The following CRISPLD2 variants were observed in gnomAD, a reference collection of about 807,000 sequenced individuals.
The protein encoded by CRISPLD2 is cysteine-rich secretory protein LCCL domain-containing 2.
Under a neutral mutation model 71.1 loss-of-function variants are expected in CRISPLD2, and 47 were observed. That is an observed-to-expected ratio of 0.66 (90% CI 0.52 to 0.84). The LOEUF is 0.84. CRISPLD2 is among the 40% of genes least tolerant of loss of function. CRISPLD2 has a pLI of 0.00. For synonymous variants in CRISPLD2, 317 were observed against 250.1 expected (o/e 1.27, Z -2.52); for missense variants, 830 against 651.1 (o/e 1.27, Z -2.99).
intron 14 of CRISPLD2, among the ~76,000 whole-genome samples, chr16:84,892,318 G>C (rs150051411): frequency 6.6e-6 from 1 of 152,240 alleles, no homozygotes; most frequent in Non-Finnish European, 1.5e-5. Context: ...CTGCATGCTC[G>C]ACTGTGACAG....
chr16:84,842,222 A>G (rs1916790100), intron 2 of CRISPLD2: 1 of 152,040 alleles, frequency 6.6e-6, no homozygotes, highest in South Asian at 2.1e-4. Flanking sequence ...GCCTTCCCTC[A>G]GAGTCACTGC....
At chr16:84,821,106 C>T (rs933516435) in intron 1 of CRISPLD2, among the ~76,000 whole-genome samples, 2 of 152,202 alleles carry the variant, frequency 1.3e-5, no homozygotes, top group Admixed American at 6.5e-5. Context: ...GCCTTGCAAC[C>T]GAGAGTGGGG....
At chr16:84,827,292 T>C (rs1335545569) in intron 1 of CRISPLD2, among the ~76,000 whole-genome samples, 1 of 152,194 alleles carries the variant, frequency 6.6e-6, no homozygotes, top group Non-Finnish European at 1.5e-5. Flanking sequence ...TCTGTGCTGT[T>C]GTGTGTTGCA....
chr16:84,902,850 G>A (rs2968153), intron 14 of CRISPLD2, among the ~76,000 whole-genome samples: 16 of 125,700 alleles, frequency 1.3e-4, no homozygotes, highest in Admixed American at 9.5e-4. Context: ...CTCGCTCACC[G>A]CAACCTCCAC....
At chr16:84,850,199 G>A (rs187489513) in intron 4 of CRISPLD2, among the ~76,000 whole-genome samples, 69 of 150,976 alleles carry the variant, frequency 4.6e-4, no homozygotes, top group Middle Eastern at 3.5e-3. Context: ...CAAGCGATTC[G>A]CCTGCCTCAG....
chr16:84,870,272 C>T (rs570157704), intron 8 of CRISPLD2, among the ~76,000 whole-genome samples: 44 of 127,276 alleles, frequency 3.5e-4, no homozygotes, highest in African/African-American at 1.3e-3. Context: ...TATTTCCTTC[C>T]AGTCTTTTTT....
intron 14 of CRISPLD2, among the ~76,000 whole-genome samples, chr16:84,891,679 C>T (rs1054829018): frequency 4.6e-5 from 7 of 152,194 alleles, no homozygotes; most frequent in African/African-American, 7.2e-5. Context: ...TGTTCCCTGT[C>T]GGGCTGATTC....
intron 1 of CRISPLD2, 108 bp from the exon 2 acceptor site, chr16:84,838,314 C>A: frequency 2.8e-6 from 2 of 708,050 alleles, no homozygotes; most frequent in South Asian, 1.8e-5. Flanking sequence ...TCAGTTTCCG[C>A]ATCTGTAAAA....
At chr16:84,901,854 T>C (rs1365902445) in intron 14 of CRISPLD2, among the ~76,000 whole-genome samples, 1 of 136,164 alleles carries the variant, frequency 7.3e-6, no homozygotes, top group Admixed American at 8.1e-5. Flanking sequence ...AGTGCAGTGG[T>C]GTGATCTCGG....
intron 13 of CRISPLD2, among the ~76,000 whole-genome samples, chr16:84,886,247 G>A (rs1489735062): frequency 6.6e-6 from 1 of 152,178 alleles, no homozygotes; most frequent in Non-Finnish European, 1.5e-5. Flanking sequence ...GAACCTGCTA[G>A]ATTGTATTGC....
intron 14 of CRISPLD2, among the ~76,000 whole-genome samples, chr16:84,905,653 A>G (rs974479798): frequency 2.3e-5 from 2 of 86,774 alleles, no homozygotes; most frequent in Non-Finnish European, 4.3e-5. Flanking sequence ...GGCCTCCCAA[A>G]GTGCTGGGAT....
chr16:84,876,118 CCT>C (rs2071516231), intron 11 of CRISPLD2, among the ~76,000 whole-genome samples: 1 of 152,200 alleles, frequency 6.6e-6, no homozygotes, highest in Non-Finnish European at 1.5e-5. Context: ...ATCTATAGCT[CCT>C]CTCTGCTACA....
intron 11 of CRISPLD2, among the ~76,000 whole-genome samples, chr16:84,876,757 A>T (rs185619818): frequency 1.4e-4 from 22 of 152,300 alleles, no homozygotes; most frequent in African/African-American, 4.6e-4. Flanking sequence ...GTGCCGTTTC[A>T]CTCCAGCCTG....
At chr16:84,856,815 T>G (rs1416158616) in intron 6 of CRISPLD2, among the ~76,000 whole-genome samples, 1 of 152,206 alleles carries the variant, frequency 6.6e-6, no homozygotes, top group East Asian at 1.9e-4. Context: ...GTGAATTCCA[T>G]GAGCATGAGC....
chr16:84,857,585 G>A (rs565163306), intron 6 of CRISPLD2, among the ~76,000 whole-genome samples: 1 of 152,176 alleles, frequency 6.6e-6, no homozygotes. Context: ...TCGAAGTCCT[G>A]CCCACTGGGA....
intron 3 of CRISPLD2, among the ~76,000 whole-genome samples, chr16:84,848,934 C>T (rs1443520648): frequency 1.4e-5 from 2 of 139,514 alleles, no homozygotes; most frequent in African/African-American, 2.6e-5. Context: ...TGCAGTGAGC[C>T]GAGATCCCGC....
At chr16:84,834,742 C>T (rs778601700) in intron 1 of CRISPLD2, among the ~76,000 whole-genome samples, 4 of 152,100 alleles carry the variant, frequency 2.6e-5, no homozygotes, top group Non-Finnish European at 4.4e-5. Context: ...AAGGTGCTGG[C>T]GGGGCTGGTT....
intron 14 of CRISPLD2, among the ~76,000 whole-genome samples, chr16:84,901,203 A>T (rs978029143): frequency 6.6e-6 from 1 of 152,196 alleles, no homozygotes; most frequent in Non-Finnish European, 1.5e-5. Flanking sequence ...TAAGCTAAAA[A>T]AGCAAAGTGC....
At chr16:84,841,105 T>C (rs1916758814) in intron 2 of CRISPLD2, among the ~76,000 whole-genome samples, 2 of 152,040 alleles carry the variant, frequency 1.3e-5, no homozygotes, top group Admixed American at 1.3e-4. Flanking sequence ...AGAGGCATGA[T>C]TATGAGTTGT....
Sources: gnomAD v4.1 joint callset for allele counts (sites outside exome capture counted in the v4.1 genomes callset) on GRCh38, gnomAD v4.1.1 for gene constraint, MANE v1.5 for transcripts, NCBI Gene and HGNC (gene_info 2026-07-23, HGNC 2026-07-21) for gene names.